MAGI1: variants seen among roughly 807,000 people sequenced by gnomAD.
MAGI1 encodes membrane associated guanylate kinase, WW and PDZ domain containing 1.
In MAGI1, 58 loss-of-function variants were observed where a neutral mutation model predicts 139.9. The observed-to-expected ratio is 0.41, with a 90% CI of 0.34 to 0.52. The LOEUF (loss-of-function observed/expected upper bound fraction) is 0.52, where lower values mean the gene tolerates loss of function less well. Among genes scored for constraint, MAGI1 ranks in the 20% least tolerant of loss-of-function variants. MAGI1 has a pLI of 0.12. For missense variants in MAGI1, 1,874 were observed against 1,901.6 expected, an observed-to-expected ratio of 0.99 and a Z score of 0.27; for synonymous variants, 812 against 737.9, an observed-to-expected ratio of 1.10 and a Z score of -1.63.
chr3:65,497,614 A>G (rs1559609223), intron 2 of MAGI1, among the ~76,000 whole-genome samples: 1 of 152,134 alleles, frequency 6.6e-6, no homozygotes, highest in Non-Finnish European at 1.5e-5. Context: ...AAAACAAAAA[A>G]TCTGTTGAGT....
intron 2 of MAGI1, chr3:65,597,887 G>A: frequency 2.2e-6 from 1 of 451,322 alleles, no homozygotes; most frequent in Non-Finnish European, 4.4e-6. Context: ...CACCACGCTG[G>A]TCCTTGGCTC....
chr3:65,900,139 A>C (rs2061158819), intron 1 of MAGI1, among the ~76,000 whole-genome samples: 1 of 152,136 alleles, frequency 6.6e-6, no homozygotes, highest in African/African-American at 2.4e-5. Flanking sequence ...TCTTGGGGAC[A>C]AGAGATAGGC....
chr3:65,463,056 C>T (rs1191167801), intron 5 of MAGI1, among the ~76,000 whole-genome samples: 2 of 152,168 alleles, frequency 1.3e-5, no homozygotes, highest in African/African-American at 4.8e-5. Flanking sequence ...ATAATCATGT[C>T]ATCTGCAAAC....
intron 1 of MAGI1, among the ~76,000 whole-genome samples, chr3:65,860,863 T>C (rs188357988): frequency 1.1e-3 from 174 of 152,198 alleles, no homozygotes; most frequent in Admixed American, 4.3e-3. Context: ...ACAATAATCA[T>C]TATTTTACCC....
rs557972567 is a variant in MAGI1 at position 65,573,718 on chromosome 3, A to C, written c.430+48254T>G. 3.3e-5 allele frequency among the ~76,000 whole-genome samples: 5 copies of C among 152,274 alleles called. No homozygotes were observed. In the South Asian group the frequency reaches 1.0e-3, roughly 32 times the overall value. ...ATTACCCTTTTCTGTCTAACACTTTACTAGAGGCTATAGCCAGTGCAATAA... is the reference window on the plus strand; with the variant it reads ...ATTACCCTTTTCTGTCTAACACTTTCCTAGAGGCTATAGCCAGTGCAATAA... On this transcript the variant is annotated intron_variant, in intron 2 of 22. Coordinates refer to ENST00000402939, the MANE Select transcript of MAGI1 (RefSeq NM_001033057.2).
At chr3:65,589,850 A>C (rs1382106822) in intron 2 of MAGI1, among the ~76,000 whole-genome samples, 2 of 151,644 alleles carry the variant, frequency 1.3e-5, no homozygotes, top group Non-Finnish European at 2.9e-5. Flanking sequence ...AAAAAAAAAA[A>C]CAAATAGTAC....
At chr3:65,573,499 C>T (rs1167451850) in intron 2 of MAGI1, among the ~76,000 whole-genome samples, 1 of 151,098 alleles carries the variant, frequency 6.6e-6, no homozygotes, top group Non-Finnish European at 1.5e-5. Flanking sequence ...TCAGTAGACA[C>T]AGAAAAAGTA....
At chr3:65,925,421 C>A (rs988064308) in intron 1 of MAGI1, 2 of 152,168 alleles carry the variant, frequency 1.3e-5, no homozygotes, top group African/African-American at 4.8e-5. Flanking sequence ...AAAAGGCCCA[C>A]CTTGACCCAA....
chr3:65,958,066 T>C (rs899750471), intron 1 of MAGI1, among the ~76,000 whole-genome samples: 4 of 152,150 alleles, frequency 2.6e-5, no homozygotes, highest in African/African-American at 9.7e-5. Context: ...GCCTAGTTCT[T>C]GATTGAACTG....
intron 1 of MAGI1, chr3:66,008,702 T>TG (rs34907631): frequency 0.43 from 64,608 of 151,894 alleles, 15,714 homozygotes; most frequent in East Asian, 0.73. Flanking sequence ...AGGAAGAGTA[T>TG]GGGGGGGCAG....
chr3:65,369,502 G>A (rs1021580719), intron 18 of MAGI1, among the ~76,000 whole-genome samples: 1 of 151,802 alleles, frequency 6.6e-6, no homozygotes, highest in Non-Finnish European at 1.5e-5. Context: ...TGTCCCAGAC[G>A]TGATGGATTC....
chr3:65,707,197 A>C (rs993997625), intron 1 of MAGI1, among the ~76,000 whole-genome samples: 7 of 152,302 alleles, frequency 4.6e-5, no homozygotes, highest in Admixed American at 3.9e-4. Context: ...CAGGGCTCTA[A>C]TGTGTAATCT....
chr3:65,836,478 G>A (rs747842693), intron 1 of MAGI1, among the ~76,000 whole-genome samples: 1 of 152,156 alleles, frequency 6.6e-6, no homozygotes. Flanking sequence ...ACAAAGACAG[G>A]ACCAGATAGG....
At chr3:65,391,065 A>G in intron 14 of MAGI1, 77 bp downstream of exon 14, 1 of 1,291,242 alleles carries the variant, frequency 7.7e-7, no homozygotes, top group Middle Eastern at 2.4e-4. Flanking sequence ...CAACTCATCT[A>G]TTTTCAATAA....
At chr3:65,965,372 T>C (rs1251059407) in intron 1 of MAGI1, among the ~76,000 whole-genome samples, 1 of 152,248 alleles carries the variant, frequency 6.6e-6, no homozygotes, top group Non-Finnish European at 1.5e-5. Flanking sequence ...GGAAACTTCA[T>C]ATCACCTCTA....
intron 1 of MAGI1, among the ~76,000 whole-genome samples, chr3:65,815,425 A>T (rs2041538054): frequency 6.6e-6 from 1 of 152,188 alleles, no homozygotes. Context: ...AGATAAGAGC[A>T]GACTCTATAG....
chr3:66,015,934 G>A (rs938617762), intron 1 of MAGI1, among the ~76,000 whole-genome samples: 4 of 152,110 alleles, frequency 2.6e-5, no homozygotes, highest in Non-Finnish European at 4.4e-5. Flanking sequence ...TCAAGAAATC[G>A]AAAGGAAATA....
chr3:65,767,536 A>G (rs2037589238), intron 1 of MAGI1, among the ~76,000 whole-genome samples: 1 of 152,248 alleles, frequency 6.6e-6, no homozygotes, highest in African/African-American at 2.4e-5. Context: ...ATTGGAGAAT[A>G]GTTTTATAGT....
chr3:65,785,324 G>C (rs2039297862), intron 1 of MAGI1, among the ~76,000 whole-genome samples: 1 of 152,090 alleles, frequency 6.6e-6, no homozygotes. Flanking sequence ...TTACCAATTT[G>C]ATTTCATTCT....
Sources: gnomAD v4.1 joint callset for allele counts (sites outside exome capture counted in the v4.1 genomes callset) on GRCh38, gnomAD v4.1.1 for gene constraint, MANE v1.5 for transcripts, NCBI Gene and HGNC (gene_info 2026-07-23, HGNC 2026-07-21) for gene names.